The following EHHADH variants were observed in gnomAD, a reference collection of about 807,000 sequenced individuals.
EHHADH encodes peroxisomal bifunctional enzyme.
Under a neutral mutation model 64.4 loss-of-function variants are expected in EHHADH, and 48 were observed. The ratio of observed to expected loss-of-function variants is 0.75; its 90% CI spans 0.59 to 0.95. The LOEUF is 0.95. EHHADH is among the 40% of genes least tolerant of loss of function. The probability of loss-of-function intolerance (pLI) is 0.00; values close to 1 mark genes in which losing one functional copy is unlikely to be tolerated. For missense variants in EHHADH, 854 were observed against 876.6 expected (o/e 0.97, Z 0.33); for synonymous variants, 308 against 326.7 (o/e 0.94, Z 0.62).
rs1467126130 is a variant in EHHADH, at chr3:185,204,442, C to T, written c.884G>A (p.Arg295Gln). The T allele has an allele frequency of 7.4e-6, 12 of 1,610,910 alleles. No homozygotes were observed. The highest frequency in any genetic ancestry group is 4.5e-5 in the East Asian group (2 of 44,866). Residue 295 changes from arginine to glutamine, a missense_variant, in exon 6 of 7, where the codon CGG (arginine) becomes CAG (glutamine). By Grantham distance (43) the Arg-to-Gln change is conservative (BLOSUM62 1). Coordinates refer to ENST00000231887, the MANE Select transcript of EHHADH (RefSeq NM_001966.4). ...SGASWKTASARPVSSVGVVGL... is the reference protein window; with the variant it reads ...SGASWKTASAQPVSSVGVVGL... ...AACAACACCAACTGAGGAGACAGGC[C>T]GCGCTGATGCTGTTTTCCACGATGC...
At chr3:185,225,902 T>C (rs1214350706) in intron 4 of EHHADH, among the ~76,000 whole-genome samples, 1 of 152,200 alleles carries the variant, frequency 6.6e-6, no homozygotes, top group East Asian at 1.9e-4. Context: ...AGAAACCTTT[T>C]CTAGCTACCC....
At chr3:185,206,453 A>G (rs1346284810) in intron 5 of EHHADH, among the ~76,000 whole-genome samples, 1 of 152,188 alleles carries the variant, frequency 6.6e-6, no homozygotes. Flanking sequence ...TACAACACCA[A>G]AAGCATGACA....
In EHHADH at chr3:185,193,394, G is replaced by C. The variant is rs1717968736; in HGVS notation, c.1004C>G (p.Thr335Ser). 10 of 1,614,078 alleles carry C rather than the reference G, an allele frequency of 6.2e-6. No individual in the cohort carries two copies. Among genetic ancestry groups the C allele is most frequent in the Non-Finnish European group, 8.5e-6 (10 of 1,180,048 alleles). ...AVDSDKNQLATANKMITSVLE... is the reference protein window; with the variant it reads ...AVDSDKNQLASANKMITSVLE... ...GACAGAGGTTATCATCTTGTTTGCA[G>C]TTGCTAGCTGGTTTTTGTCCGAGTC... Residue 335 changes from threonine (T) to serine (S), a missense_variant, in exon 7 of 7, where the codon ACT (threonine) becomes AGT (serine). Physicochemically the swap from Thr to Ser is moderately conservative, Grantham distance 58. Coordinates refer to ENST00000231887, the MANE Select transcript of EHHADH (RefSeq NM_001966.4).
chr3:185,223,917 A>C (rs935363649), intron 4 of EHHADH, among the ~76,000 whole-genome samples: 8 of 152,206 alleles, frequency 5.3e-5, no homozygotes, highest in African/African-American at 1.9e-4. Context: ...CTGCAATATG[A>C]TCAGGCATAT....
At chr3:185,218,660 G>A (rs954115722) in intron 4 of EHHADH, among the ~76,000 whole-genome samples, 2 of 151,990 alleles carry the variant, frequency 1.3e-5, no homozygotes, top group African/African-American at 4.8e-5. Context: ...AATAATAGAA[G>A]TAGCAGCAGC....
chr3:185,204,415 C>T lies in EHHADH; in HGVS notation c.910+1G>A. On this transcript the variant is annotated splice_donor_variant, in intron 6 of 6. Transcript: ENST00000231887. LOFTEE classifies it high-confidence loss of function. The stretch of plus-strand genomic sequence containing the variant: ...TTCCATTCATTACCCCATGGTCTTA[C>T]CAACAACACCAACTGAGGAGACAGG... 6.3e-7 allele frequency: 1 copy of T among 1,596,346 alleles called. No homozygotes were observed. The highest frequency in any genetic ancestry group is 2.2e-5 in the East Asian group (1 of 44,672).
intron 6 of EHHADH, among the ~76,000 whole-genome samples, chr3:185,198,011 G>A (rs1718113540): frequency 6.6e-6 from 1 of 152,070 alleles, no homozygotes; most frequent in Admixed American, 6.5e-5. Context: ...TGGTCAGGCT[G>A]GTCTCGAATT....
chr3:185,246,464 G>A (rs552961485), intron 2 of EHHADH: 217 of 406,852 alleles, frequency 5.3e-4, no homozygotes, highest in African/African-American at 3.6e-3. Flanking sequence ...AGTGGGCTCC[G>A]CATGGATGGG....
chr3:185,234,525 CCCT>C (rs1719229202), intron 3 of EHHADH, among the ~76,000 whole-genome samples: 2 of 150,694 alleles, frequency 1.3e-5, no homozygotes, highest in Non-Finnish European at 3.0e-5. Context: ...CAGAGAGAGG[CCCT>C]AGGGCTAAGG....
At chr3:185,248,093 G>A (rs1166824232) in intron 2 of EHHADH, 1 of 221,734 alleles carries the variant, frequency 4.5e-6, no homozygotes, top group Admixed American at 5.6e-5. Context: ...TTGAGGTTCA[G>A]GAAGTTAAAG....
intron 3 of EHHADH, among the ~76,000 whole-genome samples, chr3:185,232,868 G>T (rs1291111502): frequency 6.6e-6 from 1 of 152,158 alleles, no homozygotes; most frequent in Non-Finnish European, 1.5e-5. Context: ...TGTCAATCAA[G>T]AATTCTATAT....
chr3:185,204,429 T>C lies in EHHADH; in HGVS notation c.897A>G (p.Ser299=), dbSNP rs778565475. Reference sequence around the variant, plus strand: ...CCATGGTCTTACCAACAACACCAACTGAGGAGACAGGCCGCGCTGATGCTG... The same window carrying C: ...CCATGGTCTTACCAACAACACCAACCGAGGAGACAGGCCGCGCTGATGCTG... ...WKTASARPVS[S]VGVVGLGTMG... Residue 299 remains serine, a synonymous_variant, in exon 6 of 7, where the codon TCA becomes TCG. Coordinates refer to ENST00000231887, the MANE Select transcript of EHHADH (RefSeq NM_001966.4). The C allele has an allele frequency of 6.2e-7, 1 of 1,605,668 alleles. No individual in the cohort carries two copies. Among genetic ancestry groups the C allele is most frequent in the Non-Finnish European group, 8.5e-7 (1 of 1,175,808 alleles).
chr3:185,253,157 G>C (rs1171379394), intron 1 of EHHADH: 1 of 151,984 alleles, frequency 6.6e-6, no homozygotes, highest in East Asian at 2.0e-4. Flanking sequence ...AACAAATCAG[G>C]AGAAATAATT....
intron 3 of EHHADH, among the ~76,000 whole-genome samples, chr3:185,231,986 TCAGA>T (rs1719147169): frequency 2.0e-5 from 3 of 152,132 alleles, no homozygotes; most frequent in South Asian, 4.1e-4. Context: ...TTTTTTAAAG[TCAGA>T]CAGTAATCTC....
In EHHADH at chr3:185,253,936, C is replaced by T. The variant is rs757435909; in HGVS notation, c.74+13G>A. On this transcript the variant is annotated intron_variant, in intron 1 of 6. Coordinates refer to ENST00000231887, the MANE Select transcript of EHHADH (RefSeq NM_001966.4). ...CGCACGGTCCCCGGGCTGGAGGCGA[C>T]CGAGCCCGTTACCTGATCGCGTTGA... 3 of 1,614,020 alleles carry T rather than the reference C, an allele frequency of 1.9e-6. No homozygotes were observed. The highest frequency in any genetic ancestry group is 2.5e-6 in the Non-Finnish European group (3 of 1,179,924).
chr3:185,221,641 C>T (rs1414630030), intron 4 of EHHADH, among the ~76,000 whole-genome samples: 3 of 146,772 alleles, frequency 2.0e-5, no homozygotes, highest in African/African-American at 7.6e-5. Flanking sequence ...GGCGCAATCT[C>T]GGCTCACTGC....
chr3:185,218,291 T>C, intron 4 of EHHADH, 51 bp from the exon 5 acceptor site: 1 of 1,352,438 alleles, frequency 7.4e-7, no homozygotes, highest in Non-Finnish European at 1.0e-6. Context: ...CGATGTAAGA[T>C]TAAAGCAAAA....
chr3:185,194,054 T>C (rs1717989915), intron 6 of EHHADH, among the ~76,000 whole-genome samples: 2 of 152,226 alleles, frequency 1.3e-5, no homozygotes, highest in South Asian at 4.1e-4. Flanking sequence ...GCTGGTTTTT[T>C]GCAGAATCAA....
At chr3:185,224,899 A>G (rs1037622476) in intron 4 of EHHADH, among the ~76,000 whole-genome samples, 11 of 152,152 alleles carry the variant, frequency 7.2e-5, no homozygotes, top group Admixed American at 2.6e-4. Flanking sequence ...AGTCCAGGGT[A>G]ATCTCCCTCT....
Sources: gnomAD v4.1 joint callset for allele counts (sites outside exome capture counted in the v4.1 genomes callset) on GRCh38, gnomAD v4.1.1 for gene constraint, MANE v1.5 for transcripts, NCBI Gene and HGNC (gene_info 2026-07-23, HGNC 2026-07-21) for gene names.